Variants in EXOC4 observed in about 807,000 individuals in gnomAD.
The protein encoded by EXOC4 is SEC8-like 1.
EXOC4 carries 71 observed loss-of-function variants against 107.2 expected under a neutral mutation model. The ratio of observed to expected loss-of-function variants is 0.66; its 90% CI spans 0.55 to 0.81. EXOC4 has a LOEUF of 0.81. Among genes scored for constraint, EXOC4 ranks in the 30% least tolerant of loss-of-function variants. EXOC4 has a pLI of 0.00. For synonymous variants in EXOC4, 456 were observed against 441.2 expected, an observed-to-expected ratio of 1.03 and a Z score of -0.42; for missense variants, 1,108 against 1,189.6, an observed-to-expected ratio of 0.93 and a Z score of 1.01.
chr7:133,876,949 CTG>C (rs1250875039), intron 11 of EXOC4, among the ~76,000 whole-genome samples: 2 of 152,066 alleles, frequency 1.3e-5, no homozygotes, highest in Admixed American at 1.3e-4. Flanking sequence ...CTGCTTGAAT[CTG>C]TGGGCTTATA....
At chr7:133,426,139 A>G (rs1453970705) in intron 7 of EXOC4, among the ~76,000 whole-genome samples, 2 of 152,206 alleles carry the variant, frequency 1.3e-5, no homozygotes, top group Non-Finnish European at 1.5e-5. Context: ...GGAGATGATC[A>G]GCACCCACTT....
intron 9 of EXOC4, among the ~76,000 whole-genome samples, chr7:133,489,800 G>A (rs968713030): frequency 3.9e-5 from 6 of 152,106 alleles, no homozygotes; most frequent in African/African-American, 1.4e-4. Flanking sequence ...GACCATAAAT[G>A]TGTCACTTAT....
chr7:133,415,237 A>G (rs1389126200), intron 7 of EXOC4, among the ~76,000 whole-genome samples: 1 of 138,584 alleles, frequency 7.2e-6, no homozygotes, highest in Non-Finnish European at 1.6e-5. Flanking sequence ...TGCTATGAGC[A>G]TTTATGTTTA....
chr7:133,768,378 C>T (rs929665124), intron 10 of EXOC4: 1 of 151,970 alleles, frequency 6.6e-6, no homozygotes, highest in African/African-American at 2.4e-5. Context: ...TCCCCCACAA[C>T]TCTTCCCCAG....
intron 10 of EXOC4, among the ~76,000 whole-genome samples, chr7:133,730,137 A>G (rs932848965): frequency 1.3e-5 from 2 of 148,268 alleles, no homozygotes; most frequent in African/African-American, 5.0e-5. Flanking sequence ...ATAACCACAA[A>G]TCAAGGATGA....
At chr7:133,484,059 A>G (rs1799218888) in intron 9 of EXOC4, 4 of 1,613,904 alleles carry the variant, frequency 2.5e-6, no homozygotes, top group Non-Finnish European at 8.5e-7. Context: ...GAAGAAATCC[A>G]CCAGAAAGAC....
chr7:134,086,267 A>C, the EXOC4 span, among the ~76,000 whole-genome samples: 1 of 152,212 alleles, frequency 6.6e-6, no homozygotes, highest in Non-Finnish European at 1.5e-5. Flanking sequence ...TAATATAAAA[A>C]TCTAAACTTG....
intron 5 of EXOC4, among the ~76,000 whole-genome samples, chr7:133,330,884 G>C (rs1584819891): frequency 1.3e-5 from 2 of 151,900 alleles, no homozygotes; most frequent in South Asian, 4.2e-4. Flanking sequence ...GCAAACCGGA[G>C]CTGTTCCTAT....
intron 7 of EXOC4, among the ~76,000 whole-genome samples, chr7:133,380,778 A>T (rs1209437427): frequency 1.3e-5 from 2 of 152,180 alleles, no homozygotes; most frequent in Non-Finnish European, 2.9e-5. Flanking sequence ...TTCCACGTTA[A>T]TGCATACATG....
chr7:134,021,321 GT>G (rs1267581080), intron 17 of EXOC4, among the ~76,000 whole-genome samples: 2 of 152,190 alleles, frequency 1.3e-5, no homozygotes, highest in African/African-American at 4.8e-5. Context: ...TCTTTTCATA[GT>G]CAAGATCGTG....
intron 12 of EXOC4, among the ~76,000 whole-genome samples, chr7:133,913,836 G>C (rs2116618256): frequency 6.6e-6 from 1 of 152,288 alleles, no homozygotes; most frequent in Middle Eastern, 3.4e-3. Flanking sequence ...AAGAAGATGA[G>C]ACTGCCCAAG....
the EXOC4 span, among the ~76,000 whole-genome samples, chr7:134,072,107 C>T: frequency 6.6e-6 from 1 of 152,220 alleles, no homozygotes; most frequent in Non-Finnish European, 1.5e-5. Flanking sequence ...GGCTGACCCC[C>T]CACCAGTTGG....
intron 2 of EXOC4, among the ~76,000 whole-genome samples, chr7:133,281,216 G>A (rs941472148): frequency 2.6e-5 from 4 of 151,896 alleles, no homozygotes; most frequent in Non-Finnish European, 4.4e-5. Context: ...TCCAAGGTTC[G>A]TTCTTTCCAG....
At chr7:133,410,568 T>C (rs962506695) in intron 7 of EXOC4, among the ~76,000 whole-genome samples, 19 of 152,196 alleles carry the variant, frequency 1.2e-4, no homozygotes, top group African/African-American at 4.1e-4. Flanking sequence ...CTATTTTGAT[T>C]GAAACCTTGG....
At chr7:133,311,241 GA>G (rs1015553160) in intron 4 of EXOC4, among the ~76,000 whole-genome samples, 8 of 152,000 alleles carry the variant, frequency 5.3e-5, no homozygotes, top group South Asian at 2.1e-4. Context: ...GGGAGGTTAT[GA>G]GGGGGGCATT....
At chr7:133,821,386 C>T (rs2151221248) in intron 11 of EXOC4, among the ~76,000 whole-genome samples, 1 of 152,304 alleles carries the variant, frequency 6.6e-6, no homozygotes, top group African/African-American at 2.4e-5. Flanking sequence ...CCAGCCAGTT[C>T]TACCCAAAGT....
At chr7:134,007,597 A>G (rs1794671034) in intron 16 of EXOC4, 79 bp from the exon 17 acceptor site, 2 of 1,375,198 alleles carry the variant, frequency 1.5e-6, no homozygotes, top group Admixed American at 2.4e-5. Flanking sequence ...GAAGACAGCA[A>G]TTCTGTGTGC....
intron 11 of EXOC4, among the ~76,000 whole-genome samples, chr7:133,853,393 C>G (rs1036982640): frequency 7.9e-6 from 1 of 126,256 alleles, no homozygotes; most frequent in Admixed American, 7.5e-5. Flanking sequence ...CACACACACA[C>G]ACACAACTTT....
intron 10 of EXOC4, among the ~76,000 whole-genome samples, chr7:133,687,087 T>A (rs577000870): frequency 4.0e-5 from 6 of 151,476 alleles, no homozygotes; most frequent in African/African-American, 1.5e-4. Context: ...AAGGAACGAA[T>A]TAATGGCATT....
Sources: allele counts gnomAD v4.1 joint callset (sites outside exome capture counted in the v4.1 genomes callset), GRCh38; gene constraint gnomAD v4.1.1; transcripts MANE v1.5; gene names NCBI Gene and HGNC (gene_info 2026-07-23, HGNC 2026-07-21).